The following FAM193A variants were observed in gnomAD, a reference collection of about 807,000 sequenced individuals.
FAM193A encodes family with sequence similarity 193 member A.
FAM193A carries 22 observed loss-of-function variants against 126.5 expected under a neutral mutation model. That is an observed-to-expected ratio of 0.17 (90% CI 0.12 to 0.25). FAM193A has a LOEUF of 0.25. FAM193A is among the 10% of genes least tolerant of loss of function. The probability of loss-of-function intolerance (pLI) is 1.00; values close to 1 mark genes in which losing one functional copy is unlikely to be tolerated. For missense variants in FAM193A, 1,675 were observed against 1,672.8 expected (o/e 1.00, Z -0.02); for synonymous variants, 761 against 646.8 (o/e 1.18, Z -2.68).
intron 1 of FAM193A, among the ~76,000 whole-genome samples, chr4:2,548,067 G>A (rs2108813887): frequency 7.6e-6 from 1 of 130,764 alleles, no homozygotes; most frequent in African/African-American, 2.7e-5. Context: ...TCAAGACTTT[G>A]CCTATTTTTT....
intron 16 of FAM193A, among the ~76,000 whole-genome samples, chr4:2,694,266 T>C (rs911800663): frequency 6.6e-6 from 1 of 152,024 alleles, no homozygotes; most frequent in Non-Finnish European, 1.5e-5. Context: ...GTGTGTTTTT[T>C]TGTTTTTTGT....
intron 4 of FAM193A, among the ~76,000 whole-genome samples, chr4:2,627,660 C>T (rs1187292381): frequency 1.4e-5 from 2 of 148,076 alleles, no homozygotes; most frequent in African/African-American, 5.1e-5. Flanking sequence ...TCACTGCAAC[C>T]TCTGCTGCCT....
intron 1 of FAM193A, among the ~76,000 whole-genome samples, chr4:2,548,071 ATTTTTTTT>A (rs35770924): frequency 4.7e-5 from 6 of 127,788 alleles, no homozygotes; most frequent in African/African-American, 1.7e-4. Context: ...GACTTTGCCT[ATTTTTTTT>A]TTTTTTTTTT....
intron 20 of FAM193A, among the ~76,000 whole-genome samples, chr4:2,729,476 C>G (rs1426295431): frequency 1.3e-5 from 2 of 152,168 alleles, no homozygotes; most frequent in Non-Finnish European, 2.9e-5. Context: ...CCCACTTGGC[C>G]TCTTCCAAGT....
At chr4:2,632,125 A>C (rs1743651902) in intron 5 of FAM193A, among the ~76,000 whole-genome samples, 1 of 152,122 alleles carries the variant, frequency 6.6e-6, no homozygotes. Context: ...AACAGAGTCC[A>C]AAGGTGGTAC....
At chr4:2,549,196 C>T (rs1035808519) in intron 1 of FAM193A, among the ~76,000 whole-genome samples, 1 of 151,738 alleles carries the variant, frequency 6.6e-6, no homozygotes, top group Non-Finnish European at 1.5e-5. Context: ...ACCTCAGCCT[C>T]CCAAAGTGCT....
chr4:2,667,764 CAAA>C (rs1413405162), intron 12 of FAM193A, among the ~76,000 whole-genome samples: 2 of 152,018 alleles, frequency 1.3e-5, no homozygotes, highest in Non-Finnish European at 2.9e-5. Context: ...AAATATTAAA[CAAA>C]AATTTTAGTG....
intron 19 of FAM193A, among the ~76,000 whole-genome samples, chr4:2,707,836 C>T (rs61791165): frequency 1.3e-3 from 194 of 151,804 alleles, no homozygotes; most frequent in Non-Finnish European, 2.3e-3. Flanking sequence ...TTCAATTCCA[C>T]CTCCTGGGTT....
intron 1 of FAM193A, among the ~76,000 whole-genome samples, chr4:2,584,471 T>C (rs1740123412): frequency 6.6e-6 from 1 of 150,754 alleles, no homozygotes; most frequent in Admixed American, 6.6e-5. Context: ...TTTCTTACTG[T>C]TAAATACTAT....
At chr4:2,710,212 TC>T (rs1309852457) in intron 19 of FAM193A, among the ~76,000 whole-genome samples, 1 of 143,488 alleles carries the variant, frequency 7.0e-6, no homozygotes, top group Non-Finnish European at 1.5e-5. Context: ...TCTCGCTCTG[TC>T]CCCCAGGCTG....
At chr4:2,654,022 G>T (rs1745926517) in intron 7 of FAM193A, among the ~76,000 whole-genome samples, 1 of 152,144 alleles carries the variant, frequency 6.6e-6, no homozygotes, top group Non-Finnish European at 1.5e-5. Flanking sequence ...TTCTTGGTTT[G>T]TGGCCACTCC....
intron 4 of FAM193A, among the ~76,000 whole-genome samples, chr4:2,629,482 A>G (rs143566759): frequency 2.6e-4 from 39 of 152,294 alleles, no homozygotes; most frequent in African/African-American, 9.4e-4. Context: ...TTTAATCCAC[A>G]TTTTCCATAA....
At chr4:2,699,181 G>T (rs1054808821) in intron 18 of FAM193A, among the ~76,000 whole-genome samples, 5 of 152,188 alleles carry the variant, frequency 3.3e-5, no homozygotes, top group African/African-American at 7.2e-5. Context: ...TACATTCCCT[G>T]TTCAAGTGAA....
chr4:2,658,041 T>C (rs1268333344), intron 8 of FAM193A, among the ~76,000 whole-genome samples, 161 bp downstream of exon 8: 1 of 152,228 alleles, frequency 6.6e-6, no homozygotes, highest in Non-Finnish European at 1.5e-5. Context: ...GTTTTTAATC[T>C]CAAGATAAAC....
At chr4:2,571,623 C>G (rs1739296619) in intron 1 of FAM193A, among the ~76,000 whole-genome samples, 1 of 151,858 alleles carries the variant, frequency 6.6e-6, no homozygotes, top group Admixed American at 6.6e-5. Flanking sequence ...TCACTGCAAA[C>G]TCTGCCTCCT....
intron 19 of FAM193A, 80 bp from the exon 20 acceptor site, chr4:2,715,943 C>A: frequency 1.2e-6 from 1 of 861,108 alleles, no homozygotes; most frequent in Non-Finnish European, 2.0e-6. Context: ...TTAAATTGAG[C>A]GAAGACAAAT....
Position 2,699,891 on chromosome 4 carries a change from A to G in FAM193A, c.3719A>G (p.Asp1240Gly). Reference protein sequence around the residue: ...ERPSKDCPKLDMLTRNFQAAT... With the variant: ...ERPSKDCPKLGMLTRNFQAAT... ...CCAAGTAAAGACTGCCCCAAGTTGG[A>G]CATGCTCACTAGAAATTTCCAGGCA... Residue 1240 changes from aspartate (D) to glycine (G), a missense_variant, in exon 19 of 21, where the codon GAC (aspartate) becomes GGC (glycine). Physicochemically the swap from Asp to Gly is moderately conservative, Grantham distance 94. Coordinates refer to ENST00000637812, the MANE Select transcript of FAM193A (RefSeq NM_001366318.2). 1 of 1,614,122 alleles carries G rather than the reference A, an allele frequency of 6.2e-7. No individual in the cohort carries two copies. The highest frequency in any genetic ancestry group is 1.1e-5 in the South Asian group (1 of 91,084).
At chr4:2,706,981 G>T (rs1190066792) in intron 19 of FAM193A, among the ~76,000 whole-genome samples, 1 of 151,980 alleles carries the variant, frequency 6.6e-6, no homozygotes, top group East Asian at 1.9e-4. Flanking sequence ...AATTAGCCAG[G>T]TGTGGTGGCG....
At chr4:2,574,664 T>G (rs115734759) in intron 1 of FAM193A, among the ~76,000 whole-genome samples, 424 of 152,282 alleles carry the variant, frequency 2.8e-3, no homozygotes, top group African/African-American at 7.7e-3. Context: ...CAGCCTCTTC[T>G]GTAGTATCCA....
Sources: allele counts gnomAD v4.1 joint callset (sites outside exome capture counted in the v4.1 genomes callset), GRCh38; gene constraint gnomAD v4.1.1; transcripts MANE v1.5; gene names NCBI Gene and HGNC (gene_info 2026-07-23, HGNC 2026-07-21).